PCDH11X: variants seen among roughly 807,000 people sequenced by gnomAD.
The protein encoded by PCDH11X is protocadherin 11 X-linked.
Under a neutral mutation model 53.3 loss-of-function variants are expected in PCDH11X, and 18 were observed. The ratio of observed to expected loss-of-function variants is 0.34; its 90% CI spans 0.23 to 0.50. The LOEUF is 0.50. Among genes scored for constraint, PCDH11X ranks in the 20% least tolerant of loss-of-function variants. The pLI is 0.98. For missense variants in PCDH11X, 570 were observed against 1,032.4 expected (o/e 0.55, Z 6.14); for synonymous variants, 279 against 393.3 (o/e 0.71, Z 3.44).
At chrX:92,271,496 T>A (rs748743543) in intron 8 of PCDH11X, among the ~76,000 whole-genome samples, 2 of 111,883 alleles carry the variant, frequency 1.8e-5, no homozygotes, top group South Asian at 7.5e-4. Context: ...CCGTTACAGA[T>A]TTTTGGAGGG....
rs1300310257 is a variant in PCDH11X, at chrX:92,444,333, G to GT, written c.3344-23959dup. 5.6e-5 allele frequency among the ~76,000 whole-genome samples: 6 copies of GT among 106,509 alleles called. No homozygotes were observed. The East Asian group carries it at 1.8e-3, about 31-fold the overall frequency. The allele number at this position is 106,509 out of a possible 115,157, so 92.5% of individuals were successfully genotyped here. On this transcript the variant is annotated intron_variant, in intron 9 of 10. Coordinates refer to ENST00000682573, the MANE Select transcript of PCDH11X (RefSeq NM_032968.5). Reference sequence around the variant, plus strand: ...TCTTGATTTGACCCTCAGCTTGAATGTTTTTTTGGGAAGGAGTGTAAAAAT... The same window carrying GT: ...TCTTGATTTGACCCTCAGCTTGAATGTTTTTTTTGGGAAGGAGTGTAAAAAT...
intron 10 of PCDH11X, among the ~76,000 whole-genome samples, chrX:92,543,799 A>G (rs1332072966): frequency 1.8e-5 from 2 of 110,476 alleles, no homozygotes; most frequent in African/African-American, 6.6e-5. Flanking sequence ...AAGTTTTATC[A>G]TAATATATAG....
At chrX:92,052,891 C>A (rs756387537) in intron 6 of PCDH11X, among the ~76,000 whole-genome samples, 25 of 111,367 alleles carry the variant, frequency 2.2e-4, no homozygotes, top group Admixed American at 3.9e-4. Flanking sequence ...CTATTTACTA[C>A]TGACTTCTTG....
intron 4 of PCDH11X, among the ~76,000 whole-genome samples, chrX:91,814,419 C>A: frequency 1.8e-5 from 2 of 109,869 alleles, no homozygotes; most frequent in Middle Eastern, 9.4e-3. Flanking sequence ...TGAATATAAT[C>A]ATTCGTCTTT....
chrX:92,300,560 C>A (rs2148468976), intron 8 of PCDH11X, among the ~76,000 whole-genome samples: 1 of 111,276 alleles, frequency 9.0e-6, no homozygotes, highest in African/African-American at 3.3e-5. Context: ...TCACTGCAAC[C>A]TCCGCCTCCT....
At chrX:92,240,891 A>G (rs746922641) in intron 7 of PCDH11X, among the ~76,000 whole-genome samples, 2 of 110,540 alleles carry the variant, frequency 1.8e-5, no homozygotes, top group East Asian at 5.7e-4. Flanking sequence ...TTTGCCTGAT[A>G]AGTATTAGAA....
chrX:92,417,663 A>C (rs1335946136), intron 9 of PCDH11X, among the ~76,000 whole-genome samples: 2 of 110,878 alleles, frequency 1.8e-5, no homozygotes, highest in Non-Finnish European at 3.8e-5. Flanking sequence ...CTCTAAAGGT[A>C]AAAATGACTG....
intron 8 of PCDH11X, among the ~76,000 whole-genome samples, chrX:92,369,980 G>A (rs774327645): frequency 5.9e-4 from 63 of 106,240 alleles, no homozygotes; most frequent in African/African-American, 2.0e-3. Context: ...AGTTCTTGAA[G>A]GTGTAAATTT....
intron 9 of PCDH11X, among the ~76,000 whole-genome samples, chrX:92,418,732 A>G (rs1015104912): frequency 1.8e-5 from 2 of 109,245 alleles, no homozygotes; most frequent in African/African-American, 6.7e-5. Flanking sequence ...GCTAGGACTA[A>G]ACACACACAC....
At chrX:91,995,519 C>T (rs2563148) in intron 6 of PCDH11X, among the ~76,000 whole-genome samples, 1,819 of 111,219 alleles carry the variant, frequency 0.016, 37 homozygotes, top group African/African-American at 0.055. Context: ...TAATGGACTC[C>T]ATTCTGTTCC....
chrX:92,551,129 A>T (rs1306644072), intron 10 of PCDH11X, among the ~76,000 whole-genome samples: 2 of 110,335 alleles, frequency 1.8e-5, no homozygotes, highest in Non-Finnish European at 3.8e-5. Flanking sequence ...ATCATATGGT[A>T]GCTCAATTTT....
At chrX:92,395,922 T>C (rs1341499057) in intron 9 of PCDH11X, among the ~76,000 whole-genome samples, 42 of 104,996 alleles carry the variant, frequency 4.0e-4, no homozygotes, top group Non-Finnish European at 6.3e-4. Flanking sequence ...AATGGAGAAC[T>C]TTTTTATATG....
At chrX:92,301,545 G>A (rs2068721584) in intron 8 of PCDH11X, among the ~76,000 whole-genome samples, 1 of 110,613 alleles carries the variant, frequency 9.0e-6, no homozygotes, top group Non-Finnish European at 1.9e-5. Context: ...GGGATCATGG[G>A]GTCTCCTGCT....
chrX:92,410,288 C>A lies in PCDH11X; in HGVS notation c.3343+22355C>A, dbSNP rs1471490160. ...TCTCCTCCTATTGCTTTCTGGTAGG[C>A]ATCTGTTCAGGTATTTAGCTGGAGA... is the stretch of plus-strand genomic sequence containing the variant. On this transcript the variant is annotated intron_variant, in intron 9 of 10. Transcript: ENST00000682573. Among the ~76,000 whole-genome samples, 3 of 108,065 alleles carry A rather than the reference C, an allele frequency of 2.8e-5. No homozygotes were observed. In the East Asian group the frequency reaches 8.7e-4, roughly 31 times the overall value. 93.8% of individuals were successfully genotyped at this position (108,065 alleles called of 115,157 possible).
intron 6 of PCDH11X, among the ~76,000 whole-genome samples, chrX:91,892,636 G>T: frequency 9.1e-6 from 1 of 109,802 alleles, no homozygotes; most frequent in East Asian, 2.8e-4. Flanking sequence ...ACCGCTGCAA[G>T]GACAAAAACA....
chrX:92,336,121 G>GA (rs1272404006), intron 8 of PCDH11X, among the ~76,000 whole-genome samples: 1 of 110,244 alleles, frequency 9.1e-6, no homozygotes, highest in Admixed American at 9.7e-5. Context: ...TATCAAAATA[G>GA]AAAAAAATAA....
At chrX:92,611,995 A>AT (rs929512421) in intron 10 of PCDH11X, among the ~76,000 whole-genome samples, 19 of 103,945 alleles carry the variant, frequency 1.8e-4, no homozygotes, top group African/African-American at 5.3e-4. Context: ...TTCCTAGTAT[A>AT]TTTTTTTTGA....
At chrX:92,324,404 A>G (rs1164427415) in intron 8 of PCDH11X, among the ~76,000 whole-genome samples, 2 of 111,616 alleles carry the variant, frequency 1.8e-5, no homozygotes, top group Admixed American at 9.6e-5. Flanking sequence ...AATAGAGGGA[A>G]CAATCTGACT....
At chrX:91,805,700 C>T (rs1040431627) in intron 1 of PCDH11X, among the ~76,000 whole-genome samples, 5 of 107,356 alleles carry the variant, frequency 4.7e-5, no homozygotes, top group African/African-American at 1.7e-4. Flanking sequence ...GACACGTGCA[C>T]CTATAATTCC....
Sources: allele counts gnomAD v4.1 joint callset (sites outside exome capture counted in the v4.1 genomes callset), GRCh38; gene constraint gnomAD v4.1.1; transcripts MANE v1.5; gene names NCBI Gene and HGNC (gene_info 2026-07-23, HGNC 2026-07-21).